The following ABCA13 variants were observed in gnomAD, a reference collection of about 807,000 sequenced individuals.
ABCA13 encodes the protein ATP-binding cassette sub-family A member 13.
Under a neutral mutation model 478.7 loss-of-function variants are expected in ABCA13, and 476 were observed. The observed-to-expected ratio is 0.99, with a 90% confidence interval of 0.92 to 1.07. The LOEUF is 1.07. ABCA13 is among the 50% of genes least tolerant of loss of function. The probability of loss-of-function intolerance (pLI) is 0.00; values close to 1 mark genes in which losing one functional copy is unlikely to be tolerated. For synonymous variants in ABCA13, 2,252 were observed against 2,158.9 expected (o/e 1.04, Z -1.20); for missense variants, 6,060 against 5,910.6 (o/e 1.03, Z -0.83).
At chr7:48,324,127 T>C (rs1803943409) in intron 27 of ABCA13, among the ~76,000 whole-genome samples, 1 of 152,170 alleles carries the variant, frequency 6.6e-6, no homozygotes, top group African/African-American at 2.4e-5. Flanking sequence ...CATAACACAG[T>C]ACCACAGATT....
rs370539430 is a variant in ABCA13 at position 48,245,479 on chromosome 7, A to G, written c.1391-33A>G. 9.0e-6 allele frequency: 14 copies of G among 1,549,870 alleles called. No individual in the cohort carries two copies. The African/African-American group carries it at 1.9e-4, about 21-fold the overall frequency. ...TATAAAAGTCAAGCTTACTTACCTT[A>G]GGTGAATAATAATCAATTTGTCTAC... On this transcript the variant is annotated intron_variant, in intron 11 of 61. Coordinates refer to ENST00000435803, the MANE Select transcript of ABCA13 (RefSeq NM_152701.5).
chr7:48,314,409 A>G lies in ABCA13; in HGVS notation c.9859A>G (p.Thr3287Ala). The G allele has an allele frequency of 1.3e-6, 2 of 1,573,512 alleles. No homozygotes were observed. The highest frequency in any genetic ancestry group is 1.7e-6 in the Non-Finnish European group (2 of 1,158,158). The change falls in exon 26 of 62, where the codon ACA becomes GCA. Residue 3287 changes from threonine to alanine, a missense_variant and splice_region_variant. Thr to Ala is a moderately conservative substitution (Grantham distance 58). Around this residue, in one of 3 missense-constraint regions of ABCA13, gnomAD observed 4,423 missense variants for 4,309.1 expected, o/e 1.03. Transcript: ENST00000435803. ...AAAATTCAACATTCCTGAAGATTCA[A>G]GTAAGACAGTAGTAATATATATATA... The part of the protein sequence containing the change: ...KEKFNIPEDS[T>A]PFCLKLYQEI...
At chr7:48,420,061 T>A (rs1257717103) in intron 41 of ABCA13, among the ~76,000 whole-genome samples, 4 of 152,204 alleles carry the variant, frequency 2.6e-5, no homozygotes. Flanking sequence ...TTCTTATGTC[T>A]GATACACAGT....
chr7:48,606,855 G>A (rs550700425), intron 58 of ABCA13, among the ~76,000 whole-genome samples: 29 of 152,304 alleles, frequency 1.9e-4, no homozygotes, highest in African/African-American at 6.0e-4. Context: ...GGGAGATGGG[G>A]GTTTTATCTA....
chr7:48,192,917 A>T (rs990505998), intron 1 of ABCA13, 42 bp from the exon 2 acceptor site: 1 of 1,391,644 alleles, frequency 7.2e-7, no homozygotes, highest in Non-Finnish European at 9.7e-7. Flanking sequence ...GTAATACCTT[A>T]CAATTTATTC....
At position 48,240,989 on chromosome 7, in the gene ABCA13, TCTGCACA is replaced by T; in HGVS notation, c.1192_1198del (p.Thr398CysfsTer4). 1 of 1,614,016 alleles carries T rather than the reference TCTGCACA, an allele frequency of 6.2e-7. No homozygotes were observed. Among genetic ancestry groups the T allele is most frequent in the South Asian group, 1.1e-5 (1 of 91,086 alleles). ...GCAAGCCCTGGAAGGTGGTGGAAGC[TCTGCACA>T]CTGCACTGCTCCTGCTGAATGACAG... is the stretch of plus-strand genomic sequence containing the variant. On this transcript the variant is annotated frameshift_variant, in exon 10 of 62. Transcript: ENST00000435803. LOFTEE classifies it high-confidence loss of function.
intron 44 of ABCA13, among the ~76,000 whole-genome samples, chr7:48,467,908 G>T (rs1362009221): frequency 6.6e-6 from 1 of 152,166 alleles, no homozygotes; most frequent in Non-Finnish European, 1.5e-5. Flanking sequence ...CAGTAAGAAA[G>T]AATTAATAGA....
Position 48,231,656 on chromosome 7 carries a change from CTATTAT to C in ABCA13, c.763+1719_763+1724del, listed in dbSNP as rs151023674. On this transcript the variant is annotated intron_variant, in intron 7 of 61. Transcript: ENST00000435803. The stretch of plus-strand genomic sequence containing the variant: ...TCTCCTGAGGTCTCAGTCTCCTGAA[CTATTAT>C]TATTATTATTATTATTAGAGATGGA... 3.3e-5 allele frequency among the ~76,000 whole-genome samples: 5 copies of C among 150,772 alleles called. No individual in the cohort carries two copies. In the South Asian group the frequency reaches 8.5e-4, roughly 26 times the overall value.
At chr7:48,270,575 G>A (rs1795464450) in intron 16 of ABCA13, among the ~76,000 whole-genome samples, 1 of 152,140 alleles carries the variant, frequency 6.6e-6, no homozygotes, top group African/African-American at 2.4e-5. Flanking sequence ...ATTCCTAATA[G>A]AACTTTCCCT....
At chr7:48,509,528 T>A (rs1283146436) in intron 50 of ABCA13, among the ~76,000 whole-genome samples, 1 of 152,182 alleles carries the variant, frequency 6.6e-6, no homozygotes, top group Non-Finnish European at 1.5e-5. Flanking sequence ...CTTAGTTTAT[T>A]ATCTCTTTAT....
intron 55 of ABCA13, among the ~76,000 whole-genome samples, chr7:48,562,494 T>G (rs146842992): frequency 6.6e-6 from 1 of 152,164 alleles, no homozygotes; most frequent in Non-Finnish European, 1.5e-5. Flanking sequence ...AGAGAAGAGC[T>G]GAGGAGTTAA....
At chr7:48,523,305 AAAT>A (rs891475464) in intron 53 of ABCA13, among the ~76,000 whole-genome samples, 3 of 152,194 alleles carry the variant, frequency 2.0e-5, no homozygotes, top group Non-Finnish European at 4.4e-5. Flanking sequence ...ATATGTGGAA[AAAT>A]AATAAAGAAA....
chr7:48,171,622 C>T, intron 1 of ABCA13, 70 bp downstream of exon 1: 1 of 1,460,692 alleles, frequency 6.8e-7, no homozygotes, highest in East Asian at 2.5e-5. Flanking sequence ...CTATTCTTTC[C>T]TGCCTGCCTC....
chr7:48,279,556 G>C lies in ABCA13; in HGVS notation c.8362G>C (p.Asp2788His), dbSNP rs775628053. 6.2e-7 allele frequency: 1 copy of C among 1,613,412 alleles called. No individual in the cohort carries two copies. The highest frequency in any genetic ancestry group is 1.1e-5 in the South Asian group (1 of 90,986). ...AGAGGCCTCCAGTGGAATTAAAAGT[G>C]ACTATGAAGGTGATTTGAATAAAAG... The part of the protein sequence containing the change: ...VLEASSGIKS[D>H]YEGDLNKSLY... Residue 2788 changes from aspartate to histidine, a missense_variant, in exon 18 of 62, where the codon GAC (aspartate) becomes CAC (histidine). By Grantham distance (81) the Asp-to-His change is moderately conservative. Coordinates refer to ENST00000435803, the MANE Select transcript of ABCA13 (RefSeq NM_152701.5).
chr7:48,335,525 A>G lies in ABCA13; in HGVS notation c.10103A>G (p.Asn3368Ser). The G allele has an allele frequency of 1.2e-6, 2 of 1,613,588 alleles. No homozygotes were observed. Among genetic ancestry groups the G allele is most frequent in the Non-Finnish European group, 1.7e-6 (2 of 1,179,632 alleles). Residue 3368 changes from asparagine to serine, a missense_variant, in exon 28 of 62, where the codon AAC (asparagine) becomes AGC (serine). Transcript: ENST00000435803. ...AGAAGTGGAAGTGGCCAGATGTTCA[A>G]CCAGCTGCAGGTGAGTGGTTGGTCT... ...FQRSGSGQMF[N>S]QLQEALRNKF...
intron 20 of ABCA13, among the ~76,000 whole-genome samples, chr7:48,292,126 C>T (rs970202912): frequency 6.6e-6 from 1 of 152,190 alleles, no homozygotes; most frequent in African/African-American, 2.4e-5. Flanking sequence ...CCCTGACCTT[C>T]ATGCTCATGT....
chr7:48,175,052 A>G (rs1583955706), intron 1 of ABCA13, among the ~76,000 whole-genome samples: 1 of 152,270 alleles, frequency 6.6e-6, no homozygotes, highest in Admixed American at 6.5e-5. Context: ...GCAGGTGGAG[A>G]TCAGTTGACA....
At chr7:48,520,553 T>A (rs943840022) in intron 53 of ABCA13, among the ~76,000 whole-genome samples, 5 of 151,306 alleles carry the variant, frequency 3.3e-5, no homozygotes, top group Non-Finnish European at 2.9e-5. Flanking sequence ...TTTCTTTTTT[T>A]AAAATTTTTT....
Position 48,273,349 on chromosome 7 carries a change from TC to T in ABCA13, c.3685del (p.Leu1229TrpfsTer8), listed in dbSNP as rs1208232957. On this transcript the variant is annotated frameshift_variant, in exon 17 of 62. Coordinates refer to ENST00000435803, the MANE Select transcript of ABCA13 (RefSeq NM_152701.5). LOFTEE classifies it high-confidence loss of function. ...AATGACTTCCATAATTGGGAGGACTTCCTGGATCTCAGGGATTTTTTGGTAG... is the reference window on the plus strand; with the variant it reads ...AATGACTTCCATAATTGGGAGGACTTCTGGATCTCAGGGATTTTTTGGTAG... ...QANDFHNWED[F>X]LDLRDFLVAL... The T allele has an allele frequency of 6.2e-7, 1 of 1,613,740 alleles. No individual in the cohort carries two copies. The highest frequency in any genetic ancestry group is 1.1e-5 in the South Asian group (1 of 91,066).
Sources: allele counts gnomAD v4.1 joint callset (sites outside exome capture counted in the v4.1 genomes callset), GRCh38; gene constraint gnomAD v4.1.1; regional missense constraint gnomAD v4.1.1; transcripts MANE v1.5; gene names NCBI Gene and HGNC (gene_info 2026-07-23, HGNC 2026-07-21).